Variants in CNTNAP2 observed in about 807,000 individuals in gnomAD.
The protein encoded by CNTNAP2 is contactin associated protein 2, also known as contactin-associated protein-like 2.
In CNTNAP2, 98 loss-of-function variants were observed where a neutral mutation model predicts 155.2. The observed-to-expected ratio is 0.63, with a 90% CI of 0.54 to 0.75. The LOEUF (loss-of-function observed/expected upper bound fraction) is 0.75, where lower values mean the gene tolerates loss of function less well. Among genes scored for constraint, CNTNAP2 ranks in the 30% least tolerant of loss-of-function variants. CNTNAP2 has a pLI of 0.00. For missense variants in CNTNAP2, 1,727 were observed against 1,688.1 expected, an observed-to-expected ratio of 1.02 and a Z score of -0.40; for synonymous variants, 651 against 631.2, an observed-to-expected ratio of 1.03 and a Z score of -0.47.
At chr7:146,490,849 T>C (rs924347168) in intron 1 of CNTNAP2, among the ~76,000 whole-genome samples, 2 of 152,214 alleles carry the variant, frequency 1.3e-5, no homozygotes. Flanking sequence ...ATTCTATATC[T>C]ATCATGGGAA....
chr7:148,334,826 T>C (rs1798089976), intron 21 of CNTNAP2, among the ~76,000 whole-genome samples: 1 of 152,132 alleles, frequency 6.6e-6, no homozygotes, highest in Admixed American at 6.5e-5. Flanking sequence ...GGGGAGACTT[T>C]GGGAGAGTGG....
chr7:148,068,922 C>A (rs1803322092), intron 15 of CNTNAP2, among the ~76,000 whole-genome samples: 1 of 152,176 alleles, frequency 6.6e-6, no homozygotes, highest in South Asian at 2.1e-4. Flanking sequence ...CTCTGTACAG[C>A]TCTCTCCTGT....
chr7:146,459,258 G>C (rs73738801), intron 1 of CNTNAP2, among the ~76,000 whole-genome samples: 3,065 of 152,226 alleles, frequency 0.02, 111 homozygotes, highest in African/African-American at 0.069. Context: ...TTCCAAGAAG[G>C]AGAAAATATA....
intron 1 of CNTNAP2, among the ~76,000 whole-genome samples, chr7:146,459,404 G>A (rs561578020): frequency 6.6e-6 from 1 of 152,254 alleles, no homozygotes; most frequent in Admixed American, 6.5e-5. Flanking sequence ...TTGCAAGAGT[G>A]ATATAGCCAA....
In CNTNAP2 at chr7:147,433,404, AT is replaced by A. The variant is rs142156363; in HGVS notation, c.1670+37627del. Among the ~76,000 whole-genome samples the A allele has an allele frequency of 3.7e-3, 556 of 152,306 alleles. 3 individuals carry two copies. Among genetic ancestry groups the A allele is most frequent in the African/African-American group, 0.012 (516 of 41,570 alleles). On this transcript the variant is annotated intron_variant, in intron 10 of 23. Transcript: ENST00000361727. ...AGTTGTAGACAATCTATAGTAGTTCATTTGGTCACAGCGTGTTTGCTTTACT... is the reference window on the plus strand; with the variant it reads ...AGTTGTAGACAATCTATAGTAGTTCATTGGTCACAGCGTGTTTGCTTTACT...
At chr7:146,567,842 T>G (rs2129145396) in intron 1 of CNTNAP2, among the ~76,000 whole-genome samples, 1 of 152,292 alleles carries the variant, frequency 6.6e-6, no homozygotes. Context: ...TGCCTCAGCC[T>G]CCTGAGTAGC....
intron 13 of CNTNAP2, among the ~76,000 whole-genome samples, chr7:147,900,851 A>AC (rs200472743): frequency 0.2 from 30,627 of 151,960 alleles, 3,444 homozygotes; most frequent in Middle Eastern, 0.28. Context: ...CCCACTTCCA[A>AC]TATGTTCTGG....
chr7:146,513,613 T>C (rs1797499411), intron 1 of CNTNAP2, among the ~76,000 whole-genome samples: 1 of 151,956 alleles, frequency 6.6e-6, no homozygotes, highest in Non-Finnish European at 1.5e-5. Context: ...ATTGACCTTT[T>C]TGTTGTCTCA....
intron 8 of CNTNAP2, among the ~76,000 whole-genome samples, chr7:147,144,733 A>T (rs1273101873): frequency 6.6e-6 from 1 of 152,334 alleles, no homozygotes; most frequent in Non-Finnish European, 1.5e-5. Flanking sequence ...TTTACTGCCC[A>T]TAGCAGTTTT....
chr7:147,756,960 A>T (rs1182580512), intron 13 of CNTNAP2, among the ~76,000 whole-genome samples: 1 of 152,236 alleles, frequency 6.6e-6, no homozygotes, highest in Non-Finnish European at 1.5e-5. Context: ...AGGGAGGAAG[A>T]TGATTATTTA....
At chr7:147,123,964 C>T (rs996360246) in intron 6 of CNTNAP2, among the ~76,000 whole-genome samples, 2 of 152,172 alleles carry the variant, frequency 1.3e-5, no homozygotes, top group Non-Finnish European at 2.9e-5. Context: ...ATCACTTGAA[C>T]TCAGGAGGCA....
chr7:147,235,345 G>GGTGTGTGTGTGTGTGTGTGTGT (rs60072934), intron 8 of CNTNAP2, among the ~76,000 whole-genome samples: 4 of 140,974 alleles, frequency 2.8e-5, no homozygotes, highest in South Asian at 2.4e-4. Flanking sequence ...TGGAGTTTTT[G>GGTGTGTGTGTGTGTGTGTGTGT]GTGTGTGTGT....
intron 3 of CNTNAP2, among the ~76,000 whole-genome samples, chr7:146,936,240 C>T (rs1405694413): frequency 6.6e-6 from 1 of 152,068 alleles, no homozygotes; most frequent in Non-Finnish European, 1.5e-5. Context: ...TCACTAGGCA[C>T]CAACAGAAGA....
intron 3 of CNTNAP2, among the ~76,000 whole-genome samples, chr7:146,922,750 G>T (rs1452294146): frequency 6.6e-6 from 1 of 151,998 alleles, no homozygotes; most frequent in Non-Finnish European, 1.5e-5. Context: ...AAACTATAGG[G>T]TTTCTTTTTG....
chr7:146,826,133 C>A (rs1803395791), intron 2 of CNTNAP2, among the ~76,000 whole-genome samples: 1 of 152,056 alleles, frequency 6.6e-6, no homozygotes, highest in African/African-American at 2.4e-5. Context: ...ATGTTATTTG[C>A]ATCCCTAATT....
intron 2 of CNTNAP2, among the ~76,000 whole-genome samples, chr7:146,819,563 C>A (rs1300879687): frequency 6.6e-6 from 1 of 152,056 alleles, no homozygotes; most frequent in Non-Finnish European, 1.5e-5. Context: ...ACTAGATCAT[C>A]CCATCTAATC....
Position 147,983,846 on chromosome 7 carries a change from C to A in CNTNAP2, c.2383+5857C>A, listed in dbSNP as rs549695907. ...TCTCCTAGGTGGCTGCCCTTAGAGA[C>A]AATAGATGGCAAATGTTTCCATTTA... On this transcript the variant is annotated intron_variant, in intron 15 of 23. Transcript: ENST00000361727. 4.6e-5 allele frequency among the ~76,000 whole-genome samples: 7 copies of A among 152,274 alleles called. No individual in the cohort carries two copies. In the East Asian group the frequency reaches 9.7e-4, roughly 21 times the overall value.
chr7:146,129,790 C>A (rs1797688573), intron 1 of CNTNAP2, among the ~76,000 whole-genome samples: 1 of 152,112 alleles, frequency 6.6e-6, no homozygotes, highest in African/African-American at 2.4e-5. Flanking sequence ...TTTTATCTAT[C>A]TTAATAATTT....
At chr7:146,623,524 T>A (rs1294696681) in intron 1 of CNTNAP2, among the ~76,000 whole-genome samples, 1 of 152,194 alleles carries the variant, frequency 6.6e-6, no homozygotes, top group Non-Finnish European at 1.5e-5. Context: ...GATAAAATAC[T>A]TAACTTTCAC....
Sources: allele counts gnomAD v4.1 joint callset (sites outside exome capture counted in the v4.1 genomes callset), GRCh38; gene constraint gnomAD v4.1.1; transcripts MANE v1.5; gene names NCBI Gene and HGNC (gene_info 2026-07-23, HGNC 2026-07-21).